Variants in PLD5 observed in about 807,000 individuals in gnomAD.
PLD5 encodes inactive phospholipase D5.
A neutral mutation model predicts 61.1 loss-of-function variants in PLD5; 36 were observed. The ratio of observed to expected loss-of-function variants is 0.59; its 90% confidence interval spans 0.45 to 0.78. The LOEUF (loss-of-function observed/expected upper bound fraction) is 0.78, where lower values mean the gene tolerates loss of function less well. Ranked by LOEUF, PLD5 falls within the 30% of genes least tolerant of loss-of-function variation. PLD5 has a pLI of 0.00. For synonymous variants in PLD5, 243 were observed against 242.8 expected, an observed-to-expected ratio of 1.00 and a Z score of -0.01; for missense variants, 515 against 644.4, an observed-to-expected ratio of 0.80 and a Z score of 2.17.
At chr1:242,172,286 A>G (rs1277367925) in intron 5 of PLD5, among the ~76,000 whole-genome samples, 1 of 152,258 alleles carries the variant, frequency 6.6e-6, no homozygotes, top group Non-Finnish European at 1.5e-5. Context: ...TACTGGGTAA[A>G]TAACGAAATG....
intron 8 of PLD5, among the ~76,000 whole-genome samples, chr1:242,103,683 G>T (rs890003321): frequency 6.6e-6 from 1 of 152,178 alleles, no homozygotes; most frequent in Admixed American, 6.5e-5. Context: ...CCAAACCCAG[G>T]TTGGTGCCCT....
At chr1:242,337,058 C>A (rs966959794) in intron 2 of PLD5, among the ~76,000 whole-genome samples, 1 of 151,932 alleles carries the variant, frequency 6.6e-6, no homozygotes, top group East Asian at 2.0e-4. Flanking sequence ...AGATGCAAAT[C>A]AGGTCTCCTG....
chr1:242,162,375 T>TTATCAGTTGAAAAGCCACTAGGCAATGAC (rs1665908331), intron 5 of PLD5, among the ~76,000 whole-genome samples: 1 of 152,156 alleles, frequency 6.6e-6, no homozygotes, highest in African/African-American at 2.4e-5. Flanking sequence ...GGGTACTAAT[T>TTATCAGTTGAAAAGCCACTAGGCAATGAC]TATCAGTTGA....
Position 242,394,661 on chromosome 1 carries a change from T to C in PLD5, c.190-46419A>G, listed in dbSNP as rs534797443. Among the ~76,000 whole-genome samples the C allele has an allele frequency of 4.0e-4, 16 of 39,792 alleles. 3 individuals carry two copies. Among genetic ancestry groups the C allele is most frequent in the African/African-American group, 1.9e-3 (13 of 6,758 alleles). 26.1% of individuals were successfully genotyped at this position (39,792 alleles called of 152,430 possible). A position where few individuals can be genotyped will look rare whatever the true frequency, so the allele number is the denominator to read the frequency against. ...ATATATATGTGTATATATGTGAACA[T>C]ATATATGTGTATATATGTGAACATA... On this transcript the variant is annotated intron_variant, in intron 1 of 9. Coordinates refer to ENST00000536534, the MANE Select transcript of PLD5 (RefSeq NM_001372062.1).
At chr1:242,181,722 G>A (rs1667531373) in intron 5 of PLD5, among the ~76,000 whole-genome samples, 1 of 151,588 alleles carries the variant, frequency 6.6e-6, no homozygotes, top group African/African-American at 2.4e-5. Context: ...TAGTGCAGTG[G>A]CGAGATCTCG....
chr1:242,100,814 T>C (rs755614807), intron 8 of PLD5, 32 bp from the exon 9 acceptor site: 2 of 1,435,240 alleles, frequency 1.4e-6, no homozygotes, highest in African/African-American at 1.4e-5. Context: ...GGCAGGTAAA[T>C]AAGAGGAACG....
chr1:242,365,188 C>CA (rs1227619180), intron 1 of PLD5: 1 of 152,134 alleles, frequency 6.6e-6, no homozygotes, highest in Non-Finnish European at 1.5e-5. Flanking sequence ...CATGAGGAGC[C>CA]ATGAGCAGTA....
chr1:242,329,716 C>A (rs368239151), intron 2 of PLD5, among the ~76,000 whole-genome samples: 1 of 152,268 alleles, frequency 6.6e-6, no homozygotes, highest in East Asian at 1.9e-4. Context: ...TTTCTTGAGT[C>A]CTCTACACCT....
At chr1:242,468,518 G>GT (rs1029604540) in intron 1 of PLD5, among the ~76,000 whole-genome samples, 7 of 152,218 alleles carry the variant, frequency 4.6e-5, no homozygotes, top group African/African-American at 1.4e-4. Context: ...ACTGTGGACA[G>GT]TGTTGTGCCT....
chr1:242,463,398 C>T (rs1044519188), intron 1 of PLD5, among the ~76,000 whole-genome samples: 1 of 152,198 alleles, frequency 6.6e-6, no homozygotes, highest in Admixed American at 6.5e-5. Context: ...AAAACAAACT[C>T]CAAATTCATG....
chr1:242,159,734 C>G (rs1466849293), intron 5 of PLD5, among the ~76,000 whole-genome samples: 2 of 152,134 alleles, frequency 1.3e-5, no homozygotes, highest in Non-Finnish European at 2.9e-5. Context: ...TGTTCTTTCT[C>G]TAGTAGTTTA....
chr1:242,375,484 T>C (rs965027395), intron 1 of PLD5, among the ~76,000 whole-genome samples: 1 of 152,188 alleles, frequency 6.6e-6, no homozygotes, highest in Non-Finnish European at 1.5e-5. Flanking sequence ...AAATGAAATG[T>C]GTTTCATGCA....
intron 3 of PLD5, among the ~76,000 whole-genome samples, chr1:242,283,689 A>G (rs1674852644): frequency 6.6e-6 from 1 of 152,204 alleles, no homozygotes; most frequent in Non-Finnish European, 1.5e-5. Flanking sequence ...CAGGGTGTGA[A>G]CTATTTTTTC....
chr1:242,449,371 C>T (rs1666688630), intron 1 of PLD5: 1 of 1,536,026 alleles, frequency 6.5e-7, no homozygotes, highest in African/African-American at 1.4e-5. Flanking sequence ...ACCAATCTTC[C>T]TTCCCTCCCT....
chr1:242,456,810 TC>T (rs1461320038), intron 1 of PLD5, among the ~76,000 whole-genome samples: 2 of 152,114 alleles, frequency 1.3e-5, no homozygotes. Flanking sequence ...AGACCTGGAG[TC>T]CAGAAGCAGC....
At chr1:242,284,465 G>A (rs1047910031) in intron 3 of PLD5, among the ~76,000 whole-genome samples, 45 of 152,154 alleles carry the variant, frequency 3.0e-4, no homozygotes, top group African/African-American at 1.1e-3. Flanking sequence ...CAAGAAATGC[G>A]GTCTTCAGAT....
chr1:242,283,866 T>C (rs1250626737), intron 3 of PLD5, among the ~76,000 whole-genome samples: 1 of 152,076 alleles, frequency 6.6e-6, no homozygotes, highest in Admixed American at 6.5e-5. Context: ...TAAAATCAGG[T>C]AAAAATTTAA....
intron 1 of PLD5, among the ~76,000 whole-genome samples, chr1:242,498,024 A>G (rs1380372650): frequency 6.6e-6 from 1 of 152,074 alleles, no homozygotes; most frequent in Non-Finnish European, 1.5e-5. Context: ...GAGTGCAATG[A>G]TGCGATCTCA....
In PLD5 at chr1:242,187,625, C is replaced by T. The variant is rs183623578; in HGVS notation, c.735+32363G>A. Among the ~76,000 whole-genome samples, 56 of 152,222 alleles carry T rather than the reference C, an allele frequency of 3.7e-4. No individual in the cohort carries two copies. The East Asian group carries it at 5.2e-3, about 14-fold the overall frequency. Reference sequence around the variant, plus strand: ...CCTGCATCATGTTTCATTAAGTGCACGTAGAATAATTTTACCATTCTATTG... The same window carrying T: ...CCTGCATCATGTTTCATTAAGTGCATGTAGAATAATTTTACCATTCTATTG... On this transcript the variant is annotated intron_variant, in intron 5 of 9. Transcript: ENST00000536534.
Sources: allele counts gnomAD v4.1 joint callset (sites outside exome capture counted in the v4.1 genomes callset), GRCh38; gene constraint gnomAD v4.1.1; transcripts MANE v1.5; gene names NCBI Gene and HGNC (gene_info 2026-07-23, HGNC 2026-07-21).